Variants in PAK2 observed in about 807,000 individuals in gnomAD.
PAK2 encodes the protein p21 (RAC1) activated kinase 2, also known as serine/threonine-protein kinase PAK 2.
PAK2 carries 21 observed loss-of-function variants against 65.9 expected under a neutral mutation model. The ratio of observed to expected loss-of-function variants is 0.32; its 90% CI spans 0.23 to 0.46. The LOEUF (loss-of-function observed/expected upper bound fraction) is 0.46. Ranked by LOEUF, PAK2 falls within the 20% of genes least tolerant of loss-of-function variation. The pLI, the probability that PAK2 is intolerant of heterozygous loss-of-function variation, is 1.00. For missense variants in PAK2, 324 were observed against 642.6 expected, an observed-to-expected ratio of 0.50 and a Z score of 5.36; for synonymous variants, 204 against 219.7, an observed-to-expected ratio of 0.93 and a Z score of 0.63.
chr3:196,809,391 C>T (rs1219462186), intron 7 of PAK2, among the ~76,000 whole-genome samples: 1 of 137,168 alleles, frequency 7.3e-6, no homozygotes, highest in Non-Finnish European at 1.6e-5. Context: ...GCTCTGTCAC[C>T]CAGGCTGGAG....
chr3:196,746,564 C>T (rs1173112382), intron 1 of PAK2, among the ~76,000 whole-genome samples: 1 of 152,068 alleles, frequency 6.6e-6, no homozygotes, highest in East Asian at 1.9e-4. Flanking sequence ...GTTATCCCAG[C>T]ACTTTGGGAG....
intron 1 of PAK2, among the ~76,000 whole-genome samples, chr3:196,748,668 A>G (rs530524955): frequency 2.0e-5 from 3 of 152,214 alleles, no homozygotes; most frequent in African/African-American, 7.2e-5. Flanking sequence ...AGCTCATTTC[A>G]TTTTAGCACT....
chr3:196,792,334 G>A (rs542978023), intron 2 of PAK2, among the ~76,000 whole-genome samples: 17 of 152,286 alleles, frequency 1.1e-4, no homozygotes, highest in African/African-American at 4.1e-4. Flanking sequence ...GGGACATAAA[G>A]AAATGTTGAG....
chr3:196,756,894 A>G (rs141333412), intron 1 of PAK2, among the ~76,000 whole-genome samples: 67 of 152,340 alleles, frequency 4.4e-4, no homozygotes, highest in African/African-American at 1.5e-3. Flanking sequence ...AATAGCACTC[A>G]GCATAAATTT....
At chr3:196,811,472 C>G (rs1164454261) in intron 8 of PAK2, among the ~76,000 whole-genome samples, 2 of 139,994 alleles carry the variant, frequency 1.4e-5, no homozygotes, top group Admixed American at 1.5e-4. Context: ...ACCTCTGCCT[C>G]CCGGGTTCAA....
In PAK2 at chr3:196,782,766, G is replaced by C. The variant is rs749566199; in HGVS notation, c.120G>C (p.Leu40Phe). ...CAGCCAATCACAGTTTGAAACCTTT[G>C]CCCTCTGTTCCAGAAGAGAAAAAGC... ...PLSANHSLKP[L>F]PSVPEEKKPR... The change falls in exon 2 of 15, where the codon TTG (leucine) becomes TTC (phenylalanine). Residue 40 changes from leucine to phenylalanine, a missense_variant. By Grantham distance (22) the Leu-to-Phe change is conservative (BLOSUM62 0). Transcript: ENST00000327134. 1 of 1,613,692 alleles carries C rather than the reference G, an allele frequency of 6.2e-7. No homozygotes were observed. Among genetic ancestry groups the C allele is most frequent in the Admixed American group, 1.7e-5 (1 of 60,006 alleles).
chr3:196,826,413 C>T (rs1008615022), intron 13 of PAK2, among the ~76,000 whole-genome samples: 9 of 151,536 alleles, frequency 5.9e-5, no homozygotes, highest in Admixed American at 1.3e-4. Context: ...ACCTCGTGAC[C>T]GGCCCGCCTT....
chr3:196,789,765 G>T (rs1031374674), intron 2 of PAK2, among the ~76,000 whole-genome samples: 1 of 152,220 alleles, frequency 6.6e-6, no homozygotes, highest in East Asian at 1.9e-4. Context: ...GTGCCTGGCC[G>T]GAAAACAATT....
intron 2 of PAK2, among the ~76,000 whole-genome samples, chr3:196,801,377 C>T (rs535613817): frequency 6.6e-6 from 1 of 152,250 alleles, no homozygotes; most frequent in African/African-American, 2.4e-5. Context: ...ACTCCATGTG[C>T]CTCCTCAGTG....
chr3:196,782,956 A>G (rs1227093558), intron 2 of PAK2, 123 bp downstream of exon 2: 18 of 526,444 alleles, frequency 3.4e-5, no homozygotes, highest in Non-Finnish European at 5.7e-5. Flanking sequence ...GCTAATATAC[A>G]GGCACTATTA....
At chr3:196,746,890 T>C (rs887255900) in intron 1 of PAK2, among the ~76,000 whole-genome samples, 9 of 152,016 alleles carry the variant, frequency 5.9e-5, no homozygotes, top group Non-Finnish European at 8.8e-5. Flanking sequence ...GGAATCCTTA[T>C]TCATGAGTCA....
Position 196,778,926 on chromosome 3 carries a change from A to G in PAK2, c.-21-3700A>G, listed in dbSNP as rs115962793. Among the ~76,000 whole-genome samples, 1,124 of 152,320 alleles carry G rather than the reference A, an allele frequency of 7.4e-3. 14 individuals carry two copies. Among genetic ancestry groups the G allele is most frequent in the African/African-American group, 0.025 (1,054 of 41,564 alleles). ...AGAGGTGAAGTGTGCGTCCCATCAC[A>G]TTAGATTAGGGGATAAGTAATATTG... is the stretch of plus-strand genomic sequence containing the variant. On this transcript the variant is annotated intron_variant, in intron 1 of 14. Coordinates refer to ENST00000327134, the MANE Select transcript of PAK2 (RefSeq NM_002577.4).
chr3:196,797,066 A>AAG (rs34314098), intron 2 of PAK2, among the ~76,000 whole-genome samples: 1 of 151,950 alleles, frequency 6.6e-6, no homozygotes, highest in African/African-American at 2.4e-5. Flanking sequence ...ATTTGAACGT[A>AAG]ACTATCAGCC....
chr3:196,814,639 T>A (rs1715934159), intron 11 of PAK2, 71 bp downstream of exon 11: 1 of 736,468 alleles, frequency 1.4e-6, no homozygotes. Flanking sequence ...AGGAAATTTT[T>A]CTGCACAGGT....
chr3:196,745,097 T>C (rs1338171179), intron 1 of PAK2, among the ~76,000 whole-genome samples: 1 of 148,766 alleles, frequency 6.7e-6, no homozygotes, highest in African/African-American at 2.5e-5. Context: ...TCTGGTACTT[T>C]TAATAATTAT....
chr3:196,808,826 A>G (rs756519756), intron 7 of PAK2, among the ~76,000 whole-genome samples: 19 of 152,302 alleles, frequency 1.2e-4, no homozygotes, highest in Admixed American at 9.2e-4. Context: ...GTGCCACTGC[A>G]CTCCAGCCTG....
chr3:196,766,613 T>G (rs1714177174), intron 1 of PAK2, among the ~76,000 whole-genome samples: 1 of 152,158 alleles, frequency 6.6e-6, no homozygotes, highest in African/African-American at 2.4e-5. Context: ...GCTGGTGATT[T>G]TATATAATTT....
chr3:196,780,951 G>A (rs919666712), intron 1 of PAK2, among the ~76,000 whole-genome samples: 1 of 152,060 alleles, frequency 6.6e-6, no homozygotes, highest in African/African-American at 2.4e-5. Flanking sequence ...ACCACACCTG[G>A]CTAACTTTTT....
chr3:196,777,830 T>TG (rs1330179081), intron 1 of PAK2, among the ~76,000 whole-genome samples: 4 of 152,248 alleles, frequency 2.6e-5, no homozygotes, highest in Non-Finnish European at 4.4e-5. Flanking sequence ...TGATAACAAT[T>TG]GCAGCAGCTT....
Sources: gnomAD v4.1 joint callset for allele counts (sites outside exome capture counted in the v4.1 genomes callset) on GRCh38, gnomAD v4.1.1 for gene constraint, MANE v1.5 for transcripts, NCBI Gene and HGNC (gene_info 2026-07-23, HGNC 2026-07-21) for gene names.